The following RABGAP1L variants were observed in gnomAD, a reference collection of about 807,000 sequenced individuals.
The protein encoded by RABGAP1L is RAB GTPase activating protein 1 like.
Under a neutral mutation model 137.7 loss-of-function variants are expected in RABGAP1L, and 63 were observed. The observed-to-expected ratio is 0.46, with a 90% CI of 0.37 to 0.56. The LOEUF is 0.56. RABGAP1L is among the 20% of genes least tolerant of loss of function. RABGAP1L has a pLI of 0.00. For synonymous variants in RABGAP1L, 431 were observed against 433.7 expected, an observed-to-expected ratio of 0.99 and a Z score of 0.08; for missense variants, 1,095 against 1,244.0, an observed-to-expected ratio of 0.88 and a Z score of 1.80.
intron 19 of RABGAP1L, chr1:174,945,449 C>A (rs897108313): frequency 6.6e-6 from 1 of 152,146 alleles, no homozygotes; most frequent in Non-Finnish European, 1.5e-5. Context: ...GATATTATTG[C>A]TTCTTAATTT....
chr1:174,719,264 T>C (rs144170659), intron 17 of RABGAP1L, among the ~76,000 whole-genome samples: 1 of 152,228 alleles, frequency 6.6e-6, no homozygotes, highest in Non-Finnish European at 1.5e-5. Context: ...TTAAAAGATA[T>C]CTTTAATAAT....
At chr1:174,624,873 CT>C (rs562834068) in intron 13 of RABGAP1L, among the ~76,000 whole-genome samples, 194 of 131,120 alleles carry the variant, frequency 1.5e-3, no homozygotes, top group South Asian at 1.7e-3. Context: ...TTTATCTTGC[CT>C]TTTTTTTTTT....
intron 19 of RABGAP1L, among the ~76,000 whole-genome samples, chr1:174,872,677 A>T (rs1401913552): frequency 6.6e-6 from 1 of 151,588 alleles, no homozygotes; most frequent in Non-Finnish European, 1.5e-5. Flanking sequence ...AATAGCTGAG[A>T]CTACAGGAAC....
intron 13 of RABGAP1L, among the ~76,000 whole-genome samples, chr1:174,595,827 C>G (rs914460999): frequency 1.1e-5 from 1 of 88,898 alleles, no homozygotes; most frequent in South Asian, 3.6e-4. Flanking sequence ...TGCCCTGCCC[C>G]CAGAGGTGGA....
At chr1:174,483,809 A>C (rs1337129756) in intron 13 of RABGAP1L, among the ~76,000 whole-genome samples, 1 of 150,976 alleles carries the variant, frequency 6.6e-6, no homozygotes, top group African/African-American at 2.4e-5. Context: ...CCTGAGTGAC[A>C]ACTCCATCTC....
At chr1:174,205,797 T>A (rs1347072344) in intron 1 of RABGAP1L, among the ~76,000 whole-genome samples, 1 of 152,238 alleles carries the variant, frequency 6.6e-6, no homozygotes, top group South Asian at 2.1e-4. Context: ...TTTGAATACT[T>A]CTTTTCTTCT....
At chr1:174,324,139 A>G (rs961921666) in intron 11 of RABGAP1L, among the ~76,000 whole-genome samples, 3 of 152,150 alleles carry the variant, frequency 2.0e-5, no homozygotes, top group African/African-American at 4.8e-5. Context: ...TTTTAGTCTT[A>G]GTAAAGAGCT....
At chr1:174,909,583 A>C (rs1398152870) in intron 19 of RABGAP1L, among the ~76,000 whole-genome samples, 4 of 152,246 alleles carry the variant, frequency 2.6e-5, no homozygotes, top group Non-Finnish European at 4.4e-5. Context: ...CTATGAGAAC[A>C]ATAGAAAAGA....
intron 13 of RABGAP1L, among the ~76,000 whole-genome samples, chr1:174,527,199 A>ATTTTTTTTTT (rs200033988): frequency 9.2e-6 from 1 of 108,274 alleles, no homozygotes; most frequent in African/African-American, 3.8e-5. Context: ...TATGATTTTT[A>ATTTTTTTTTT]TTTTGTTTTT....
At chr1:174,239,887 A>C (rs1247250283) in intron 4 of RABGAP1L, among the ~76,000 whole-genome samples, 1 of 152,218 alleles carries the variant, frequency 6.6e-6, no homozygotes, top group Admixed American at 6.5e-5. Context: ...AGAATGTGGG[A>C]AAACTTTTGC....
intron 3 of RABGAP1L, among the ~76,000 whole-genome samples, chr1:174,229,030 T>TA (rs397746613): frequency 1.3e-5 from 2 of 149,788 alleles, no homozygotes; most frequent in African/African-American, 4.9e-5. Flanking sequence ...TTTTTTTTTT[T>TA]AAAGAAATTC....
chr1:174,347,660 T>C (rs1682573020), intron 11 of RABGAP1L, among the ~76,000 whole-genome samples: 1 of 152,078 alleles, frequency 6.6e-6, no homozygotes, highest in Non-Finnish European at 1.5e-5. Context: ...ACCTGGCTAA[T>C]TTTTTTGTAT....
chr1:174,597,261 A>G (rs532982591), intron 13 of RABGAP1L, among the ~76,000 whole-genome samples: 1 of 152,204 alleles, frequency 6.6e-6, no homozygotes, highest in African/African-American at 2.4e-5. Flanking sequence ...TCACTCCTCC[A>G]TTATTTTTTG....
At chr1:174,349,263 C>T (rs1682797663) in intron 11 of RABGAP1L, among the ~76,000 whole-genome samples, 1 of 140,072 alleles carries the variant, frequency 7.1e-6, no homozygotes, top group Admixed American at 6.8e-5. Context: ...GACGGGGCGG[C>T]TGGCCGGGCA....
In RABGAP1L at chr1:174,800,301, T is replaced by G. The variant is rs554596206; in HGVS notation, c.2212-11531T>G. The G allele has an allele frequency of 1.5e-5, 23 of 1,540,024 alleles. No homozygotes were observed. In the East Asian group the frequency reaches 5.2e-4, roughly 35 times the overall value. ...CTTAATATTGTGGATAAGAGATCCA[T>G]CTTTCTCATTCTGGATACCTACTTA... is the stretch of plus-strand genomic sequence containing the variant. On this transcript the variant is annotated intron_variant, in intron 18 of 25. Transcript: ENST00000681986.
chr1:174,230,711 A>G (rs971420059), intron 3 of RABGAP1L, among the ~76,000 whole-genome samples: 3 of 152,170 alleles, frequency 2.0e-5, no homozygotes, highest in African/African-American at 7.2e-5. Flanking sequence ...ATTTACAGCT[A>G]TCTGGGAACA....
At chr1:174,480,649 A>G (rs1658986501) in intron 13 of RABGAP1L, among the ~76,000 whole-genome samples, 1 of 152,226 alleles carries the variant, frequency 6.6e-6, no homozygotes. Context: ...GTTTTGTATC[A>G]GAAATAGATT....
intron 1 of RABGAP1L, among the ~76,000 whole-genome samples, chr1:174,180,260 C>G (rs573139266): frequency 4.8e-4 from 73 of 152,314 alleles, no homozygotes; most frequent in African/African-American, 1.7e-3. Flanking sequence ...TGAACCCTGA[C>G]TCCACTGTTG....
chr1:174,805,033 C>T (rs1045367509), intron 18 of RABGAP1L, among the ~76,000 whole-genome samples: 2 of 151,774 alleles, frequency 1.3e-5, no homozygotes, highest in African/African-American at 2.4e-5. Flanking sequence ...CTGATACCCC[C>T]CAAAAAATCT....
Sources: allele counts gnomAD v4.1 joint callset (sites outside exome capture counted in the v4.1 genomes callset), GRCh38; gene constraint gnomAD v4.1.1; transcripts MANE v1.5; gene names NCBI Gene and HGNC (gene_info 2026-07-23, HGNC 2026-07-21).